ADAMTS6: variants seen among roughly 807,000 people sequenced by gnomAD.
The protein encoded by ADAMTS6 is ADAM metallopeptidase with thrombospondin type 1 motif 6.
A neutral mutation model predicts 144.3 loss-of-function variants in ADAMTS6; 23 were observed. The observed-to-expected ratio is 0.16, with a 90% CI of 0.11 to 0.23. The LOEUF (loss-of-function observed/expected upper bound fraction) is 0.23, where lower values mean the gene tolerates loss of function less well. ADAMTS6 is among the 10% of genes least tolerant of loss of function. ADAMTS6 has a pLI of 1.00. For missense variants in ADAMTS6, 999 were observed against 1,379.6 expected, an observed-to-expected ratio of 0.72 and a Z score of 4.37; for synonymous variants, 444 against 457.5, an observed-to-expected ratio of 0.97 and a Z score of 0.38.
At chr5:65,270,335 A>G (rs1307788985) in intron 12 of ADAMTS6, among the ~76,000 whole-genome samples, 1 of 152,234 alleles carries the variant, frequency 6.6e-6, no homozygotes, top group Non-Finnish European at 1.5e-5. Context: ...AACAGTAAAT[A>G]TTCTTCCTTC....
At position 65,372,951 on chromosome 5, in the gene ADAMTS6, T is replaced by A. The variant is rs1315041236; in HGVS notation, c.1074-38866A>T. The stretch of plus-strand genomic sequence containing the variant: ...TCAAACTAGAACTCAGGATTAAGAA[T>A]CTCACTCAAAACCACTCAACTACAT... On this transcript the variant is annotated intron_variant, in intron 7 of 24. Coordinates refer to ENST00000381055, the MANE Select transcript of ADAMTS6 (RefSeq NM_197941.4). Among the ~76,000 whole-genome samples, 8 of 152,134 alleles carry A rather than the reference T, an allele frequency of 5.3e-5. No individual in the cohort carries two copies. The South Asian group carries it at 6.2e-4, about 12-fold the overall frequency.
chr5:65,170,854 T>C (rs1298555395), intron 23 of ADAMTS6, 81 bp from the exon 24 acceptor site: 25 of 1,435,082 alleles, frequency 1.7e-5, no homozygotes, highest in South Asian at 2.6e-5. Flanking sequence ...TCATTTCAAA[T>C]ACAACACAAT....
At chr5:65,409,280 A>G (rs910479708) in intron 7 of ADAMTS6, among the ~76,000 whole-genome samples, 5 of 152,216 alleles carry the variant, frequency 3.3e-5, no homozygotes, top group African/African-American at 1.2e-4. Flanking sequence ...AAAACAGAGA[A>G]GAATCAAATA....
At chr5:65,295,729 T>C (rs1486229564) in intron 10 of ADAMTS6, among the ~76,000 whole-genome samples, 2 of 152,064 alleles carry the variant, frequency 1.3e-5, no homozygotes, top group Non-Finnish European at 2.9e-5. Context: ...TATTTTTGTT[T>C]ACGCTTCTAA....
intron 9 of ADAMTS6, among the ~76,000 whole-genome samples, chr5:65,303,201 G>A (rs1235630378): frequency 6.6e-6 from 1 of 152,040 alleles, no homozygotes; most frequent in African/African-American, 2.4e-5. Flanking sequence ...ATTCTTTGAT[G>A]ATAGATTCCC....
At chr5:65,153,459 C>T (rs1752238506) in intron 24 of ADAMTS6, among the ~76,000 whole-genome samples, 2 of 152,222 alleles carry the variant, frequency 1.3e-5, no homozygotes, top group Non-Finnish European at 2.9e-5. Flanking sequence ...AACCCACACT[C>T]AACGTGTAAC....
At chr5:65,384,045 C>T (rs146736672) in intron 7 of ADAMTS6, among the ~76,000 whole-genome samples, 1 of 152,308 alleles carries the variant, frequency 6.6e-6, no homozygotes, top group African/African-American at 2.4e-5. Flanking sequence ...ACCACCAAGG[C>T]CCTGGCGTTC....
intron 7 of ADAMTS6, among the ~76,000 whole-genome samples, chr5:65,349,375 A>G (rs1356646274): frequency 6.6e-6 from 1 of 152,102 alleles, no homozygotes; most frequent in African/African-American, 2.4e-5. Flanking sequence ...TCTATAAAAA[A>G]AATCACCACA....
chr5:65,298,059 A>G (rs1378412559), intron 10 of ADAMTS6, among the ~76,000 whole-genome samples: 1 of 152,196 alleles, frequency 6.6e-6, no homozygotes, highest in Non-Finnish European at 1.5e-5. Flanking sequence ...TATTGAAACT[A>G]GTAATACTTT....
At chr5:65,244,988 G>A (rs1759505985) in intron 14 of ADAMTS6, among the ~76,000 whole-genome samples, 1 of 152,048 alleles carries the variant, frequency 6.6e-6, no homozygotes, top group South Asian at 2.1e-4. Context: ...AGGCAGACCT[G>A]GATTATGTCT....
intron 9 of ADAMTS6, among the ~76,000 whole-genome samples, chr5:65,327,763 C>T (rs960310451): frequency 1.3e-5 from 2 of 152,230 alleles, no homozygotes; most frequent in South Asian, 2.1e-4. Flanking sequence ...ACCCTTACCT[C>T]AGCTATTTAA....
At chr5:65,425,359 AC>A (rs1156795423) in intron 7 of ADAMTS6, among the ~76,000 whole-genome samples, 1 of 152,008 alleles carries the variant, frequency 6.6e-6, no homozygotes, top group Non-Finnish European at 1.5e-5. Context: ...TGAATGACAG[AC>A]CTGCATTTTT....
At chr5:65,333,796 C>G (rs1747013318) in intron 8 of ADAMTS6, among the ~76,000 whole-genome samples, 1 of 150,502 alleles carries the variant, frequency 6.6e-6, no homozygotes, top group South Asian at 2.1e-4. Context: ...AATAATCATT[C>G]CAGTTGTCAA....
At chr5:65,281,604 T>C (rs1287405369) in intron 11 of ADAMTS6, among the ~76,000 whole-genome samples, 2 of 152,086 alleles carry the variant, frequency 1.3e-5, no homozygotes, top group Non-Finnish European at 2.9e-5. Context: ...AAAATACTCC[T>C]ACTTATTTAA....
intron 11 of ADAMTS6, among the ~76,000 whole-genome samples, chr5:65,275,719 G>T (rs1452413046): frequency 2.0e-5 from 3 of 151,710 alleles, no homozygotes; most frequent in South Asian, 2.1e-4. Context: ...TAAAAAGATG[G>T]TTTTTTAGTT....
At chr5:65,187,629 C>G (rs1034950517) in intron 22 of ADAMTS6, among the ~76,000 whole-genome samples, 4 of 152,028 alleles carry the variant, frequency 2.6e-5, no homozygotes, top group African/African-American at 9.7e-5. Flanking sequence ...CATTCTAGGT[C>G]TTCAATAACT....
intron 10 of ADAMTS6, among the ~76,000 whole-genome samples, chr5:65,292,542 T>A (rs1467173196): frequency 6.6e-6 from 1 of 152,094 alleles, no homozygotes; most frequent in African/African-American, 2.4e-5. Flanking sequence ...TGCTATTCAC[T>A]TAAAAGTTTC....
chr5:65,348,879 T>C (rs576722866), intron 7 of ADAMTS6, among the ~76,000 whole-genome samples: 2 of 152,210 alleles, frequency 1.3e-5, no homozygotes, highest in East Asian at 3.9e-4. Flanking sequence ...CTATACTTGA[T>C]ACCAGCATAT....
chr5:65,250,109 T>C (rs1234207065), intron 14 of ADAMTS6, among the ~76,000 whole-genome samples: 1 of 152,244 alleles, frequency 6.6e-6, no homozygotes, highest in Non-Finnish European at 1.5e-5. Context: ...AAAATACTTG[T>C]CTTTCCTCTT....
Sources: allele counts gnomAD v4.1 joint callset (sites outside exome capture counted in the v4.1 genomes callset), GRCh38; gene constraint gnomAD v4.1.1; transcripts MANE v1.5; gene names NCBI Gene and HGNC (gene_info 2026-07-23, HGNC 2026-07-21).